The following TMEM232 variants were observed in gnomAD, a reference collection of about 807,000 sequenced individuals.
TMEM232 encodes transmembrane protein 232.
A neutral mutation model predicts 78.8 loss-of-function variants in TMEM232; 80 were observed. The observed-to-expected ratio is 1.01, with a 90% CI of 0.85 to 1.22. The LOEUF (loss-of-function observed/expected upper bound fraction) is 1.22. Ranked by LOEUF, TMEM232 falls within the 50% of genes most tolerant of loss-of-function variation. The pLI, the probability that TMEM232 is intolerant of heterozygous loss-of-function variation, is 0.00. For missense variants in TMEM232, 881 were observed against 742.2 expected (o/e 1.19, Z -2.17); for synonymous variants, 297 against 254.3 (o/e 1.17, Z -1.60).
chr5:110,696,829 T>C (rs1481475788), intron 1 of TMEM232, among the ~76,000 whole-genome samples: 1 of 152,134 alleles, frequency 6.6e-6, no homozygotes, highest in Non-Finnish European at 1.5e-5. Context: ...CATTCCATGC[T>C]CATGGGTAGG....
intron 10 of TMEM232, among the ~76,000 whole-genome samples, chr5:110,593,534 T>C (rs1262885708): frequency 1.3e-5 from 2 of 152,176 alleles, no homozygotes; most frequent in Non-Finnish European, 2.9e-5. Flanking sequence ...TATATGGAAC[T>C]AGAGGTCATT....
chr5:110,458,977 C>T (rs1761193484), intron 12 of TMEM232, among the ~76,000 whole-genome samples: 1 of 151,960 alleles, frequency 6.6e-6, no homozygotes, highest in African/African-American at 2.4e-5. Flanking sequence ...TGTAGTATAT[C>T]AAACAAAAAT....
At chr5:110,505,992 T>G (rs1766849175) in intron 12 of TMEM232, among the ~76,000 whole-genome samples, 2 of 152,188 alleles carry the variant, frequency 1.3e-5, no homozygotes, top group Admixed American at 1.3e-4. Context: ...GTGGCCCAAA[T>G]CAGACTCGCA....
chr5:110,471,648 C>A (rs1033138874), intron 12 of TMEM232, among the ~76,000 whole-genome samples: 27 of 150,910 alleles, frequency 1.8e-4, no homozygotes, highest in Non-Finnish European at 3.2e-4. Context: ...AAAAACCTGG[C>A]AGCCAAGAAT....
At chr5:110,512,142 T>C (rs995987110) in intron 12 of TMEM232, among the ~76,000 whole-genome samples, 1 of 152,210 alleles carries the variant, frequency 6.6e-6, no homozygotes, top group Non-Finnish European at 1.5e-5. Flanking sequence ...CATGAATATG[T>C]GTGGTTTTAA....
chr5:110,504,958 A>C (rs888665739), intron 12 of TMEM232, among the ~76,000 whole-genome samples: 25 of 152,246 alleles, frequency 1.6e-4, no homozygotes, highest in African/African-American at 6.0e-4. Context: ...TCATACAAGA[A>C]ACTATTTTTC....
intron 2 of TMEM232, among the ~76,000 whole-genome samples, chr5:110,412,567 C>CT (rs66505851): frequency 0.21 from 31,073 of 147,754 alleles, 3,372 homozygotes; most frequent in Middle Eastern, 0.26. Context: ...TAGCCAAACT[C>CT]TTTTTTTTTT....
chr5:110,709,162 G>A (rs549988553), intron 1 of TMEM232, among the ~76,000 whole-genome samples: 1 of 152,118 alleles, frequency 6.6e-6, no homozygotes, highest in African/African-American at 2.4e-5. Flanking sequence ...TGATAAAGTG[G>A]TCAATCCAGC....
chr5:110,734,903 C>G (rs574573207), exon 2 of TMEM232: 1 of 151,976 alleles, frequency 6.6e-6, no homozygotes, highest in East Asian at 1.9e-4. Flanking sequence ...AAATACTTAC[C>G]AGGCAGGGCG....
chr5:110,418,338 T>TAA (rs1309222142), downstream of TMEM232, among the ~76,000 whole-genome samples: 2 of 152,072 alleles, frequency 1.3e-5, no homozygotes, highest in Admixed American at 6.6e-5. Context: ...GTAACTTGCC[T>TAA]AATGTTCCCT....
At chr5:110,603,028 A>C (rs1781132933) in intron 10 of TMEM232, among the ~76,000 whole-genome samples, 1 of 152,110 alleles carries the variant, frequency 6.6e-6, no homozygotes, top group South Asian at 2.1e-4. Context: ...ATTCTTAGCA[A>C]ACTCACATAG....
At chr5:110,488,487 C>G (rs977448269) in intron 12 of TMEM232, among the ~76,000 whole-genome samples, 1 of 151,808 alleles carries the variant, frequency 6.6e-6, no homozygotes, top group Non-Finnish European at 1.5e-5. Flanking sequence ...GCAATTGGTT[C>G]AAGAAGAAAT....
intron 10 of TMEM232, among the ~76,000 whole-genome samples, chr5:110,594,769 A>G (rs1164585692): frequency 6.6e-6 from 1 of 152,214 alleles, no homozygotes; most frequent in East Asian, 1.9e-4. Flanking sequence ...CTCTGAAAGA[A>G]AGGCAGCAGC....
chr5:110,612,355 G>C (rs536145764), intron 8 of TMEM232, among the ~76,000 whole-genome samples: 1 of 152,148 alleles, frequency 6.6e-6, no homozygotes, highest in South Asian at 2.1e-4. Flanking sequence ...ATTGGCTCCA[G>C]GGATCAAAGG....
intron 2 of TMEM232, among the ~76,000 whole-genome samples, chr5:110,403,321 C>T (rs1284947298): frequency 6.6e-6 from 1 of 152,094 alleles, no homozygotes; most frequent in Non-Finnish European, 1.5e-5. Context: ...ATGTGAATGG[C>T]TCTATTTACC....
upstream of TMEM232, among the ~76,000 whole-genome samples, chr5:110,730,766 A>C (rs1002829694): frequency 6.6e-6 from 1 of 152,140 alleles, no homozygotes; most frequent in Non-Finnish European, 1.5e-5. Flanking sequence ...CCTACAATAC[A>C]CGGGAATTCT....
intron 10 of TMEM232, among the ~76,000 whole-genome samples, chr5:110,598,322 C>T (rs1780445567): frequency 6.6e-6 from 1 of 152,174 alleles, no homozygotes; most frequent in South Asian, 2.1e-4. Context: ...TACCATCTCA[C>T]ACCAGTTAGA....
At chr5:110,425,052 C>T in intron 12 of TMEM232, 136 bp from the exon 13 acceptor site, 1 of 706,114 alleles carries the variant, frequency 1.4e-6, no homozygotes. Flanking sequence ...TTTGTGTAGA[C>T]TATGGTATGT....
At chr5:110,448,411 G>A (rs922981395) in intron 12 of TMEM232, among the ~76,000 whole-genome samples, 4 of 152,052 alleles carry the variant, frequency 2.6e-5, no homozygotes, top group African/African-American at 9.7e-5. Flanking sequence ...CCCTTTAAGA[G>A]CAACAATCTG....
Sources: allele counts gnomAD v4.1 joint callset (sites outside exome capture counted in the v4.1 genomes callset), GRCh38; gene constraint gnomAD v4.1.1; transcripts MANE v1.5; gene names NCBI Gene and HGNC (gene_info 2026-07-23, HGNC 2026-07-21).